Variants in CNTN1 observed in about 807,000 individuals in gnomAD.
The protein encoded by CNTN1 is contactin 1, also known as contactin-1.
In CNTN1, 38 loss-of-function variants were observed where a neutral mutation model predicts 126.4. That is an observed-to-expected ratio of 0.30 (90% CI 0.23 to 0.39). CNTN1 has a LOEUF of 0.39. CNTN1 is among the 10% of genes least tolerant of loss of function. The pLI, the probability that CNTN1 is intolerant of heterozygous loss-of-function variation, is 1.00. For synonymous variants in CNTN1, 413 were observed against 422.6 expected, an observed-to-expected ratio of 0.98 and a Z score of 0.28; for missense variants, 1,009 against 1,248.4, an observed-to-expected ratio of 0.81 and a Z score of 2.89.
chr12:40,748,147 T>G (rs1938259481), intron 1 of CNTN1, among the ~76,000 whole-genome samples: 1 of 152,122 alleles, frequency 6.6e-6, no homozygotes, highest in South Asian at 2.1e-4. Context: ...ACAAGAAGAC[T>G]TACTGGGGAA....
chr12:40,707,221 C>CTTTTTT (rs1565626426), intron 1 of CNTN1, among the ~76,000 whole-genome samples: 1 of 119,450 alleles, frequency 8.4e-6, no homozygotes, highest in Non-Finnish European at 1.7e-5. Flanking sequence ...CATTTCTTTT[C>CTTTTTT]TTTTTCTTTT....
intron 12 of CNTN1, among the ~76,000 whole-genome samples, chr12:40,941,992 G>A (rs1946278082): frequency 6.6e-6 from 1 of 152,110 alleles, no homozygotes; most frequent in South Asian, 2.1e-4. Flanking sequence ...ATGGAATTAT[G>A]TATACCCTTT....
chr12:40,884,040 C>T (rs909187112), intron 1 of CNTN1, among the ~76,000 whole-genome samples: 1 of 151,306 alleles, frequency 6.6e-6, no homozygotes, highest in Admixed American at 6.6e-5. Context: ...AATAATCATG[C>T]TTTGGTGTTA....
intron 20 of CNTN1, 71 bp from the exon 21 acceptor site, chr12:41,025,079 G>C (rs1170625573): frequency 1.4e-6 from 2 of 1,469,388 alleles, no homozygotes; most frequent in Non-Finnish European, 1.9e-6. Flanking sequence ...AATAGAACCA[G>C]TTGAAGAGAA....
At chr12:40,914,872 A>AT (rs1945173717) in intron 3 of CNTN1, among the ~76,000 whole-genome samples, 1 of 152,150 alleles carries the variant, frequency 6.6e-6, no homozygotes, top group South Asian at 2.1e-4. Flanking sequence ...CCAAAATTGT[A>AT]TATCCCCTTT....
At chr12:40,899,576 G>T (rs1339058329) in intron 1 of CNTN1, among the ~76,000 whole-genome samples, 1 of 152,060 alleles carries the variant, frequency 6.6e-6, no homozygotes, top group Non-Finnish European at 1.5e-5. Context: ...GAGATGTGTT[G>T]GCTGAACGTG....
chr12:40,997,038 CT>C (rs1379042031), intron 17 of CNTN1, among the ~76,000 whole-genome samples: 1 of 152,218 alleles, frequency 6.6e-6, no homozygotes, highest in Non-Finnish European at 1.5e-5. Context: ...TGTCCAATTA[CT>C]TAATGTTAAG....
chr12:40,906,176 C>T (rs1944804633), intron 1 of CNTN1, among the ~76,000 whole-genome samples: 1 of 152,076 alleles, frequency 6.6e-6, no homozygotes, highest in African/African-American at 2.4e-5. Flanking sequence ...GAGGCTGAGG[C>T]AGGAGAATGG....
chr12:40,921,718 C>A (rs1945449100), intron 4 of CNTN1, among the ~76,000 whole-genome samples: 1 of 152,096 alleles, frequency 6.6e-6, no homozygotes, highest in Admixed American at 6.5e-5. Context: ...TTTAAAAACC[C>A]AACTGACTTT....
chr12:40,786,542 T>C (rs1032392678), intron 1 of CNTN1, among the ~76,000 whole-genome samples: 3 of 152,166 alleles, frequency 2.0e-5, no homozygotes, highest in Non-Finnish European at 2.9e-5. Context: ...TAGAAGATGT[T>C]TACAAAGTGG....
At chr12:40,865,211 T>C (rs73120757) in intron 1 of CNTN1, among the ~76,000 whole-genome samples, 3,462 of 152,258 alleles carry the variant, frequency 0.023, 129 homozygotes, top group African/African-American at 0.079. Context: ...TTTTAAGTAT[T>C]GAGTTATAAG....
At chr12:40,931,786 G>T (rs1249684533) in intron 7 of CNTN1, among the ~76,000 whole-genome samples, 1 of 151,896 alleles carries the variant, frequency 6.6e-6, no homozygotes, top group African/African-American at 2.4e-5. Flanking sequence ...GATTCAGCAG[G>T]CCTGGAATAT....
rs568496410 is a variant in CNTN1, at chr12:40,775,346, T to C, written c.-77+82754T>C. On this transcript the variant is annotated intron_variant, in intron 1 of 23. Transcript: ENST00000551295. ...ATAATGTAATGTATATTTCCTTTGG[T>C]AGATATTAATTTGGAAAAATTTTTA... Among the ~76,000 whole-genome samples, 363 of 151,518 alleles carry C rather than the reference T, an allele frequency of 2.4e-3. 2 individuals carry two copies. The highest frequency in any genetic ancestry group is 4.0e-3 in the Non-Finnish European group (272 of 67,536).
intron 1 of CNTN1, among the ~76,000 whole-genome samples, chr12:40,761,560 T>C (rs1938866929): frequency 6.6e-6 from 1 of 152,166 alleles, no homozygotes; most frequent in African/African-American, 2.4e-5. Context: ...CTTAGATAGA[T>C]CAGCTTAAAT....
Position 40,972,146 on chromosome 12 carries a change from C to G in CNTN1, c.1805-8763C>G. On this transcript the variant is annotated intron_variant, in intron 15 of 23. Coordinates refer to ENST00000551295, the MANE Select transcript of CNTN1 (RefSeq NM_001843.4). ...GATAGCATGTGGGGGAAACCCTCAT[C>G]TGAGTAGCAAGATTTTAGTAAAGAT... The G allele has an allele frequency of 3.0e-6, 3 of 985,256 alleles. No individual in the cohort carries two copies. The South Asian group carries it at 1.4e-4, about 46-fold the overall frequency. 61.0% of individuals were successfully genotyped at this position (985,256 alleles called of 1,614,324 possible). A position where few individuals can be genotyped will look rare whatever the true frequency, so the allele number is the denominator to read the frequency against.
chr12:40,696,215 A>G (rs1182791281), intron 1 of CNTN1, among the ~76,000 whole-genome samples: 1 of 152,222 alleles, frequency 6.6e-6, no homozygotes, highest in African/African-American at 2.4e-5. Flanking sequence ...CTTTTTCCCC[A>G]TCAATAGGCA....
intron 1 of CNTN1, among the ~76,000 whole-genome samples, chr12:40,847,501 G>A (rs1215584447): frequency 1.3e-5 from 2 of 151,400 alleles, no homozygotes; most frequent in Non-Finnish European, 2.9e-5. Flanking sequence ...TTGTTTTAAC[G>A]TTTATATTTC....
intron 1 of CNTN1, among the ~76,000 whole-genome samples, chr12:40,875,556 T>C (rs1355533054): frequency 6.6e-6 from 1 of 152,156 alleles, no homozygotes; most frequent in Non-Finnish European, 1.5e-5. Context: ...TTATATAGGA[T>C]TATATTATAG....
intron 1 of CNTN1, among the ~76,000 whole-genome samples, chr12:40,906,006 T>C (rs1944796039): frequency 6.6e-6 from 1 of 152,254 alleles, no homozygotes; most frequent in Admixed American, 6.5e-5. Context: ...CCGGGTGCAA[T>C]GGCTCACGCC....
Sources: allele counts gnomAD v4.1 joint callset (sites outside exome capture counted in the v4.1 genomes callset), GRCh38; gene constraint gnomAD v4.1.1; transcripts MANE v1.5; gene names NCBI Gene and HGNC (gene_info 2026-07-23, HGNC 2026-07-21).